The following KSR2 variants were observed in gnomAD, a reference collection of about 807,000 sequenced individuals.
KSR2 encodes the protein kinase suppressor of ras 2.
In KSR2, 25 loss-of-function variants were observed where a neutral mutation model predicts 107.8. The observed-to-expected ratio is 0.23, with a 90% CI of 0.17 to 0.32. KSR2 has a LOEUF of 0.32. KSR2 is among the 10% of genes least tolerant of loss of function. The pLI, the probability that KSR2 is intolerant of heterozygous loss-of-function variation, is 1.00. For missense variants in KSR2, 887 were observed against 1,268.9 expected (o/e 0.70, Z 4.57); for synonymous variants, 480 against 507.0 (o/e 0.95, Z 0.71).
At chr12:117,601,967 A>C (rs7975740) in intron 5 of KSR2, among the ~76,000 whole-genome samples, 1 of 152,178 alleles carries the variant, frequency 6.6e-6, no homozygotes, top group East Asian at 1.9e-4. Context: ...CGGCCTATAC[A>C]GTCTCCGTCC....
intron 3 of KSR2, among the ~76,000 whole-genome samples, chr12:117,776,111 T>G (rs571479855): frequency 1.4e-4 from 22 of 151,916 alleles, no homozygotes; most frequent in African/African-American, 5.3e-4. Context: ...ATTAAATTTT[T>G]AAAAAAGATC....
In KSR2 at chr12:117,739,240, A is replaced by G. The variant is rs375931449; in HGVS notation, c.986+21771T>C. ...CGTGGTAGCGGGCGCCTGTAGTCCC[A>G]GCTACTCGGGAGGCTGAGGCAGGAG... On this transcript the variant is annotated intron_variant, in intron 4 of 19. Transcript: ENST00000339824. Among the ~76,000 whole-genome samples, 211 of 152,084 alleles carry G rather than the reference A, an allele frequency of 1.4e-3. 4 individuals carry two copies. In the East Asian group the frequency reaches 0.027, roughly 20 times the overall value.
chr12:117,478,575 C>T (rs1174932052), intron 16 of KSR2, among the ~76,000 whole-genome samples: 1 of 151,992 alleles, frequency 6.6e-6, no homozygotes, highest in Non-Finnish European at 1.5e-5. Flanking sequence ...GCTGGGATTA[C>T]AGGCGTGAGC....
intron 1 of KSR2, among the ~76,000 whole-genome samples, chr12:117,957,815 C>A (rs1323601008): frequency 1.3e-5 from 2 of 149,324 alleles, no homozygotes; most frequent in Non-Finnish European, 3.0e-5. Flanking sequence ...GGGCCAAGTC[C>A]TCACAGGCTG....
rs1218353563 is a variant in KSR2, at chr12:117,639,951, C to T, written c.1171+27523G>A. Among the ~76,000 whole-genome samples, 3 of 152,052 alleles carry T rather than the reference C, an allele frequency of 2.0e-5. No individual in the cohort carries two copies. The East Asian group carries it at 5.8e-4, about 29-fold the overall frequency. ...TTAGAAGCCACTCTGTCATGCATTC[C>T]AGAGCTTAAGCTTTGTCACAAAGCT... is the stretch of plus-strand genomic sequence containing the variant. On this transcript the variant is annotated intron_variant, in intron 5 of 19. Transcript: ENST00000339824.
intron 1 of KSR2, among the ~76,000 whole-genome samples, chr12:117,906,767 C>T (rs551807500): frequency 1.3e-5 from 2 of 152,206 alleles, no homozygotes; most frequent in East Asian, 1.9e-4. Context: ...CATCACTGGC[C>T]GGGCATGGTG....
chr12:117,904,622 G>A (rs12306561), intron 1 of KSR2, among the ~76,000 whole-genome samples: 19,053 of 151,980 alleles, frequency 0.13, 1,479 homozygotes, highest in African/African-American at 0.21. Flanking sequence ...ACTTTTCCTT[G>A]CTCAATTCTC....
chr12:117,943,102 G>A (rs1272204234), intron 1 of KSR2, among the ~76,000 whole-genome samples: 1 of 152,150 alleles, frequency 6.6e-6, no homozygotes, highest in African/African-American at 2.4e-5. Flanking sequence ...ATGTTTGCAT[G>A]AGGAAAACCC....
At position 117,735,930 on chromosome 12, in the gene KSR2, C is replaced by T. The variant is rs77770420; in HGVS notation, c.986+25081G>A. On this transcript the variant is annotated intron_variant, in intron 4 of 19. Transcript: ENST00000339824. ...AAGGATAGAAATAAGATTAATTGAA[C>T]GTGCCCCTTATGCATGACTTAGAGT... Among the ~76,000 whole-genome samples the T allele has an allele frequency of 3.7e-4, 57 of 152,254 alleles. 1 individual carries two copies. The East Asian group carries it at 0.011, about 29-fold the overall frequency.
intron 1 of KSR2, among the ~76,000 whole-genome samples, chr12:117,925,561 A>C (rs1258450156): frequency 6.6e-6 from 1 of 152,222 alleles, no homozygotes; most frequent in African/African-American, 2.4e-5. Flanking sequence ...TATTATTTTA[A>C]TAGACAGTGG....
intron 2 of KSR2, among the ~76,000 whole-genome samples, chr12:117,858,256 C>A (rs1405528089): frequency 2.6e-5 from 4 of 152,126 alleles, no homozygotes. Flanking sequence ...TATTTGCCCC[C>A]ACAAGTGGCA....
chr12:117,577,957 A>G (rs1879388987), intron 7 of KSR2, among the ~76,000 whole-genome samples: 1 of 152,238 alleles, frequency 6.6e-6, no homozygotes, highest in African/African-American at 2.4e-5. Flanking sequence ...TAGCAGAGCC[A>G]GGATTTAAAA....
chr12:117,468,354 G>A (rs1474825304), intron 19 of KSR2, among the ~76,000 whole-genome samples: 3 of 152,230 alleles, frequency 2.0e-5, no homozygotes, highest in Non-Finnish European at 4.4e-5. Flanking sequence ...GAGGCCAAGT[G>A]ATGTGCCCCA....
chr12:117,706,127 T>A (rs1225504383), intron 4 of KSR2, among the ~76,000 whole-genome samples: 1 of 146,440 alleles, frequency 6.8e-6, no homozygotes, highest in Non-Finnish European at 1.5e-5. Flanking sequence ...CACTGCAATC[T>A]CTGCCCCGCG....
At chr12:117,693,558 C>G (rs539696797) in intron 4 of KSR2, among the ~76,000 whole-genome samples, 15 of 152,178 alleles carry the variant, frequency 9.9e-5, no homozygotes, top group Admixed American at 2.0e-4. Context: ...AAGCAACAAT[C>G]GTAATAGACA....
rs1356704774 is a variant in KSR2 at position 117,455,034 on chromosome 12, C to CAGACAG, written c.*12164_*12165insCTGTCT. The CAGACAG allele has an allele frequency of 1.1e-5, 1 of 91,578 alleles. No individual in the cohort carries two copies. Among genetic ancestry groups the CAGACAG allele is most frequent in the Admixed American group, 1.0e-4 (1 of 9,708 alleles). 5.7% of individuals were successfully genotyped at this position (91,578 alleles called of 1,614,324 possible). On this transcript the variant is annotated 3_prime_UTR_variant, in exon 20 of 20. Transcript: ENST00000339824. ...AGAGACAGACACAGAGACAGACAGA[C>CAGACAG]AGAGAGAGAGAGAGAGAGAGAGAGA...
At chr12:117,967,094 T>C (rs1896820933) in intron 1 of KSR2, among the ~76,000 whole-genome samples, 1 of 152,204 alleles carries the variant, frequency 6.6e-6, no homozygotes, top group African/African-American at 2.4e-5. Flanking sequence ...AGATGTCCAG[T>C]GATCTCGTGG....
At chr12:117,950,936 T>C (rs1477253766) in intron 1 of KSR2, among the ~76,000 whole-genome samples, 3 of 151,736 alleles carry the variant, frequency 2.0e-5, no homozygotes, top group Non-Finnish European at 4.4e-5. Flanking sequence ...TTTTTTGAGA[T>C]GGAATCTCAC....
chr12:117,483,153 A>G (rs1233717571), intron 16 of KSR2, among the ~76,000 whole-genome samples: 1 of 152,158 alleles, frequency 6.6e-6, no homozygotes, highest in Non-Finnish European at 1.5e-5. Context: ...TTACTGCCTT[A>G]TCTTAGGGAC....
Sources: gnomAD v4.1 joint callset for allele counts (sites outside exome capture counted in the v4.1 genomes callset) on GRCh38, gnomAD v4.1.1 for gene constraint, MANE v1.5 for transcripts, NCBI Gene and HGNC (gene_info 2026-07-23, HGNC 2026-07-21) for gene names.